DOCK9: variants seen among roughly 807,000 people sequenced by gnomAD.
DOCK9 encodes the protein dedicator of cytokinesis 9.
DOCK9 carries 89 observed loss-of-function variants against 263.3 expected under a neutral mutation model. That is an observed-to-expected ratio of 0.34 (90% confidence interval 0.28 to 0.40). The LOEUF (loss-of-function observed/expected upper bound fraction) is 0.40. Among genes scored for constraint, DOCK9 ranks in the 10% least tolerant of loss-of-function variants. DOCK9 has a pLI of 1.00. For synonymous variants in DOCK9, 976 were observed against 973.1 expected, an observed-to-expected ratio of 1.00 and a Z score of -0.06; for missense variants, 2,140 against 2,603.4, an observed-to-expected ratio of 0.82 and a Z score of 3.87.
chr13:98,834,241 G>C (rs1441317936), intron 39 of DOCK9: 1 of 152,238 alleles, frequency 6.6e-6, no homozygotes, highest in East Asian at 1.9e-4. Flanking sequence ...AACAAATCTC[G>C]GGTGTCAAAA....
chr13:98,856,187 C>T (rs753095307), intron 33 of DOCK9, 156 bp from the exon 34 acceptor site: 13 of 686,570 alleles, frequency 1.9e-5, no homozygotes, highest in Non-Finnish European at 2.9e-5. Flanking sequence ...TTTAAAGAAC[C>T]AGGTCATATA....
At chr13:99,006,094 T>C (rs1407999854) in intron 1 of DOCK9, among the ~76,000 whole-genome samples, 1 of 152,124 alleles carries the variant, frequency 6.6e-6, no homozygotes, top group East Asian at 1.9e-4. Context: ...GTAAAATAAG[T>C]ACCATAAAGA....
chr13:98,877,564 T>C (rs533735565), intron 27 of DOCK9, among the ~76,000 whole-genome samples: 1 of 152,284 alleles, frequency 6.6e-6, no homozygotes, highest in East Asian at 1.9e-4. Flanking sequence ...TCTCTCCACC[T>C]GGTCCTCATT....
Position 98,810,218 on chromosome 13 carries a change from T to A in DOCK9, c.5204A>T (p.Asp1735Val), listed in dbSNP as rs767559134. ...AATGGGGATGATAAGTTTGTAGATG[T>A]CGGCGATGAGCTCGTAGCGCTCGGC... Reference protein sequence around the residue: ...WKAERYELIADIYKLIIPIYE... With the variant: ...WKAERYELIAVIYKLIIPIYE... The change falls in exon 46 of 53, where the codon GAC (aspartate) becomes GTC (valine). Residue 1735 changes from aspartate to valine, a missense_variant. Asp to Val is a radical substitution (Grantham distance 152). Around this residue, in one of 2 missense-constraint regions of DOCK9, gnomAD observed 619 missense variants for 861.8 expected, o/e 0.72. Coordinates refer to ENST00000682017, the MANE Select transcript of DOCK9 (RefSeq NM_001366683.2). 7 of 1,613,948 alleles carry A rather than the reference T, an allele frequency of 4.3e-6. No homozygotes were observed. In the Middle Eastern group the frequency reaches 8.2e-4, roughly 190 times the overall value.
intron 2 of DOCK9, among the ~76,000 whole-genome samples, chr13:98,942,629 C>T (rs1281390519): frequency 6.6e-6 from 1 of 152,228 alleles, no homozygotes; most frequent in African/African-American, 2.4e-5. Flanking sequence ...CAAGTTAAAA[C>T]ATGTCCATCA....
intron 1 of DOCK9, among the ~76,000 whole-genome samples, chr13:99,029,551 T>C (rs1433807306): frequency 1.3e-5 from 2 of 152,202 alleles, no homozygotes; most frequent in South Asian, 2.1e-4. Context: ...AAAGAAGATA[T>C]GAAAATGGCC....
At chr13:98,896,011 TCCTCCTCTCCC>T (rs1279377547) in intron 15 of DOCK9, among the ~76,000 whole-genome samples, 47 of 152,100 alleles carry the variant, frequency 3.1e-4, no homozygotes, top group Non-Finnish European at 8.8e-5. Context: ...TTCACCAGTA[TCCTCCTCTCCC>T]CCTTCTCCAA....
At chr13:99,053,980 C>T (rs536031515) in intron 1 of DOCK9, among the ~76,000 whole-genome samples, 2 of 152,170 alleles carry the variant, frequency 1.3e-5, no homozygotes, top group South Asian at 4.2e-4. Flanking sequence ...AGATTATCTG[C>T]CTAACACGGT....
chr13:99,048,555 C>A (rs963623141), intron 1 of DOCK9, among the ~76,000 whole-genome samples: 38 of 152,220 alleles, frequency 2.5e-4, no homozygotes, highest in African/African-American at 9.2e-4. Context: ...TCCTCGGAGG[C>A]AATTCCCTTC....
intron 1 of DOCK9, among the ~76,000 whole-genome samples, chr13:99,081,333 C>G (rs1378130013): frequency 1.3e-5 from 2 of 152,224 alleles, no homozygotes; most frequent in Non-Finnish European, 2.9e-5. Context: ...GACTCAGGGA[C>G]ACTACCATCC....
intron 27 of DOCK9, among the ~76,000 whole-genome samples, chr13:98,871,184 T>C (rs528021161): frequency 5.9e-5 from 9 of 152,272 alleles, no homozygotes; most frequent in African/African-American, 9.6e-5. Flanking sequence ...GTGTCTAAGA[T>C]GGAGTGAGAA....
At chr13:99,036,786 C>T (rs1234803615) in intron 1 of DOCK9, among the ~76,000 whole-genome samples, 1 of 152,214 alleles carries the variant, frequency 6.6e-6, no homozygotes, top group Non-Finnish European at 1.5e-5. Context: ...GATCCGCCCA[C>T]CTCGGCCTCC....
intron 9 of DOCK9, 124 bp downstream of exon 9, chr13:98,914,204 A>G: frequency 1.2e-6 from 1 of 835,158 alleles, no homozygotes; most frequent in Non-Finnish European, 1.9e-6. Context: ...CAGGTCAGAA[A>G]AAGAGAGAGG....
chr13:98,916,479 T>C (rs1450148588), intron 7 of DOCK9, among the ~76,000 whole-genome samples: 2 of 152,182 alleles, frequency 1.3e-5, no homozygotes, highest in Non-Finnish European at 2.9e-5. Context: ...CCTACTGGGT[T>C]ATCCACACTC....
At chr13:99,070,572 T>C (rs2041626328) in intron 1 of DOCK9, among the ~76,000 whole-genome samples, 1 of 152,158 alleles carries the variant, frequency 6.6e-6, no homozygotes, top group African/African-American at 2.4e-5. Context: ...TTGCACTTAG[T>C]GAGTATTTAC....
chr13:98,961,872 G>A (rs1379526461), intron 1 of DOCK9, among the ~76,000 whole-genome samples: 4 of 152,296 alleles, frequency 2.6e-5, no homozygotes, highest in Non-Finnish European at 2.9e-5. Context: ...AAGATGGGAC[G>A]CCATGGCACA....
At chr13:98,823,675 GA>G (rs1421441271) in intron 45 of DOCK9, among the ~76,000 whole-genome samples, 1 of 152,182 alleles carries the variant, frequency 6.6e-6, no homozygotes, top group Non-Finnish European at 1.5e-5. Flanking sequence ...GATAGGCATG[GA>G]AAAGGAAACA....
chr13:99,026,484 T>A (rs1472490369), intron 1 of DOCK9, among the ~76,000 whole-genome samples: 2 of 152,258 alleles, frequency 1.3e-5, no homozygotes. Flanking sequence ...AATGGTAAGA[T>A]GATTTCTTCA....
chr13:99,061,278 C>CT (rs1475454883), intron 1 of DOCK9, among the ~76,000 whole-genome samples: 2 of 152,168 alleles, frequency 1.3e-5, no homozygotes, highest in African/African-American at 4.8e-5. Context: ...TCAAGGACTG[C>CT]TGTACACTTT....
Sources: allele counts gnomAD v4.1 joint callset (sites outside exome capture counted in the v4.1 genomes callset), GRCh38; gene constraint gnomAD v4.1.1; regional missense constraint gnomAD v4.1.1; transcripts MANE v1.5; gene names NCBI Gene and HGNC (gene_info 2026-07-23, HGNC 2026-07-21).